Variants in ATG4D observed in about 807,000 individuals in gnomAD.
ATG4D encodes cysteine protease ATG4D.
Under a neutral mutation model 55.2 loss-of-function variants are expected in ATG4D, and 51 were observed. The observed-to-expected ratio is 0.92, with a 90% CI of 0.74 to 1.17. The LOEUF (loss-of-function observed/expected upper bound fraction) is 1.17. ATG4D is among the 50% of genes most tolerant of loss of function. The pLI, the probability that ATG4D is intolerant of heterozygous loss-of-function variation, is 0.00. For synonymous variants in ATG4D, 268 were observed against 266.2 expected (o/e 1.01, Z -0.07); for missense variants, 635 against 649.6 (o/e 0.98, Z 0.25).
intron 6 of ATG4D, 36 bp from the exon 7 acceptor site, chr19:10,551,861 C>G (rs1254816160): frequency 6.2e-7 from 1 of 1,607,950 alleles, no homozygotes; most frequent in Admixed American, 1.7e-5. Flanking sequence ...TGTTGAGTGG[C>G]TGCCTGACAG....
intron 6 of ATG4D, 84 bp downstream of exon 6, chr19:10,549,118 G>C: frequency 6.6e-7 from 1 of 1,506,428 alleles, no homozygotes; most frequent in South Asian, 1.3e-5. Flanking sequence ...TGTTTGTGCA[G>C]CCCTCATCAC....
intron 6 of ATG4D, among the ~76,000 whole-genome samples, chr19:10,549,293 T>G (rs1916148532): frequency 6.6e-6 from 1 of 152,076 alleles, no homozygotes; most frequent in Non-Finnish European, 1.5e-5. Flanking sequence ...CCACCTAATT[T>G]TGTACTTTTA....
intron 1 of ATG4D, 70 bp downstream of exon 1, chr19:10,544,395 A>G (rs1915965751): frequency 1.6e-6 from 2 of 1,234,310 alleles, no homozygotes; most frequent in African/African-American, 1.6e-5. Context: ...CGGTCCTGCC[A>G]GTTATCCCAC....
Position 10,548,753 on chromosome 19 carries a change from T to TG in ATG4D, c.836-145dup, listed in dbSNP as rs1225179649. 11 of 1,186,938 alleles carry TG rather than the reference T, an allele frequency of 9.3e-6. 2 individuals are homozygous for TG. The highest frequency in any genetic ancestry group is 6.2e-5 in the South Asian group (4 of 64,178). 73.5% of individuals were successfully genotyped at this position (1,186,938 alleles called of 1,614,324 possible). On this transcript the variant is annotated intron_variant, in intron 5 of 9. Coordinates refer to ENST00000309469, the MANE Select transcript of ATG4D (RefSeq NM_032885.6). ...GGTCCTGGGATTTTCTGGGGGTGTT[T>TG]GGGGGGCACTAGAATGATGATTTTG...
intron 3 of ATG4D, 39 bp from the exon 4 acceptor site, chr19:10,546,800 C>T: frequency 6.6e-7 from 1 of 1,519,736 alleles, no homozygotes; most frequent in Non-Finnish European, 8.8e-7. Context: ...CTGCCCCCCA[C>T]ACACTAGCAC....
At chr19:10,551,416 C>G (rs1297130482) in intron 6 of ATG4D, among the ~76,000 whole-genome samples, 2 of 150,584 alleles carry the variant, frequency 1.3e-5, no homozygotes, top group Non-Finnish European at 2.9e-5. Flanking sequence ...GAGCCAAGAT[C>G]GTGCTACTGC....
chr19:10,546,661 T>C (rs1916038028), intron 3 of ATG4D, among the ~76,000 whole-genome samples, 178 bp from the exon 4 acceptor site: 1 of 152,186 alleles, frequency 6.6e-6, no homozygotes, highest in South Asian at 2.1e-4. Flanking sequence ...GCTGAGATCC[T>C]GTCTTTAAGT....
At chr19:10,545,429 G>A (rs1271995528) in intron 3 of ATG4D, among the ~76,000 whole-genome samples, 1 of 151,572 alleles carries the variant, frequency 6.6e-6, no homozygotes, top group Non-Finnish European at 1.5e-5. Flanking sequence ...AAAATTAGCC[G>A]GTTGTGGTGG....
At position 10,544,852 on chromosome 19, in the gene ATG4D, G is replaced by A. The variant is rs769671792; in HGVS notation, c.305G>A (p.Arg102His). 2 of 1,611,456 alleles carry A rather than the reference G, an allele frequency of 1.2e-6. No homozygotes were observed. Among genetic ancestry groups the A allele is most frequent in the Admixed American group, 1.7e-5 (1 of 59,646 alleles). ...ATCCACCTCTGTGGCCGCCGCTACC[G>A]TTTCGAGGGCGAGGGTGAGCTGGTG... is the stretch of plus-strand genomic sequence containing the variant. ...SSIHLCGRRY[R>H]FEGEGDIQRF... Residue 102 changes from arginine to histidine, a missense_variant, in exon 2 of 10, where the codon CGT becomes CAT. Arg to His is a conservative substitution (Grantham distance 29). Coordinates refer to ENST00000309469, the MANE Select transcript of ATG4D (RefSeq NM_032885.6).
At chr19:10,552,863 C>T in intron 9 of ATG4D, 22 bp from the exon 10 acceptor site, 1 of 1,593,702 alleles carries the variant, frequency 6.3e-7, no homozygotes, top group East Asian at 2.2e-5. Flanking sequence ...TGTGGCTGAC[C>T]CTGTCTCCCT....
In ATG4D at chr19:10,551,738, T is replaced by C. The variant is rs189815833; in HGVS notation, c.967-159T>C. Among the ~76,000 whole-genome samples, 642 of 151,382 alleles carry C rather than the reference T, an allele frequency of 4.2e-3. 5 individuals are homozygous for C. The Middle Eastern group carries it at 0.059, about 14-fold the overall frequency. Reference sequence around the variant, plus strand: ...AAAAAAATTCATGTAATCATCTTCCTTGTTAGTCTCTCACACTAGGATGTC... The same window carrying C: ...AAAAAAATTCATGTAATCATCTTCCCTGTTAGTCTCTCACACTAGGATGTC... On this transcript the variant is annotated intron_variant, in intron 6 of 9. Coordinates refer to ENST00000309469, the MANE Select transcript of ATG4D (RefSeq NM_032885.6).
rs1851880838 is a variant in ATG4D, at chr19:10,544,210, G to A, written c.120G>A (p.Gly40=). The stretch of plus-strand genomic sequence containing the variant: ...GAGGCCCAGACCCCAACGGCCTGGG[G>A]CCTTCCGGAGCCAGCGGCCCCGCTC... The part of the protein sequence containing the change: ...GPRGPDPNGL[G]PSGASGPALG... The change falls in exon 1 of 10, where the codon GGG becomes GGA. Residue 40 remains glycine (G), a synonymous_variant. Transcript: ENST00000309469. 8 of 1,252,924 alleles carry A rather than the reference G, an allele frequency of 6.4e-6. No homozygotes were observed. Among genetic ancestry groups the A allele is most frequent in the Non-Finnish European group, 8.1e-6 (8 of 990,882 alleles). The allele number at this position is 1,252,924 out of a possible 1,614,324, so 77.6% of individuals were successfully genotyped here.
At chr19:10,552,796 G>A (rs1916322297) in intron 9 of ATG4D, 89 bp from the exon 10 acceptor site, 2 of 1,369,558 alleles carry the variant, frequency 1.5e-6, no homozygotes, top group Admixed American at 2.1e-5. Context: ...TGGAGAGGTG[G>A]TCCTGAGAAG....
chr19:10,549,748 C>T (rs1464343415), intron 6 of ATG4D, among the ~76,000 whole-genome samples: 1 of 151,890 alleles, frequency 6.6e-6, no homozygotes, highest in Non-Finnish European at 1.5e-5. Flanking sequence ...CTATGCAGCA[C>T]CTGCTATGTG....
At position 10,545,734 on chromosome 19, in the gene ATG4D, G is replaced by A. The variant is rs149792803; in HGVS notation, c.493+604G>A. Among the ~76,000 whole-genome samples, 204 of 152,052 alleles carry A rather than the reference G, an allele frequency of 1.3e-3. 4 individuals carry two copies. In the East Asian group the frequency reaches 0.034, roughly 26 times the overall value. ...CTACTAAAAATACAAAAATTAGCTG[G>A]GTGTGGTGGCAGGCACCTGTAATTT... On this transcript the variant is annotated intron_variant, in intron 3 of 9. Coordinates refer to ENST00000309469, the MANE Select transcript of ATG4D (RefSeq NM_032885.6).
chr19:10,552,474 C>A, intron 9 of ATG4D, 150 bp downstream of exon 9: 1 of 1,160,786 alleles, frequency 8.6e-7, no homozygotes, highest in Non-Finnish European at 1.2e-6. Context: ...ATGTCCACCC[C>A]TGAAAAGGTG....
chr19:10,552,947 T>C lies in ATG4D; in HGVS notation c.1305T>C (p.Ala435=). 6.2e-7 allele frequency: 1 copy of C among 1,613,792 alleles called. No individual in the cohort carries two copies. Among genetic ancestry groups the C allele is most frequent in the South Asian group, 1.1e-5 (1 of 91,084 alleles). Residue 435 remains alanine, a synonymous_variant, in exon 10 of 10, where the codon GCT becomes GCC. Coordinates refer to ENST00000309469, the MANE Select transcript of ATG4D (RefSeq NM_032885.6). ...TGTTCACCCTGGCCGAGGGCCATGC[T>C]CAGGACCACAGCCTGGACGACCTCT... is the stretch of plus-strand genomic sequence containing the variant. ...YPMFTLAEGH[A]QDHSLDDLCS... is the part of the protein sequence containing the mutation.
rs1299625639 is a variant in ATG4D, at chr19:10,544,845, C to A, written c.298C>A (p.Arg100Ser). Residue 100 changes from arginine (R) to serine (S), a missense_variant, in exon 2 of 10, where the codon CGC becomes AGC. Transcript: ENST00000309469. ...CTCCAGCATCCACCTCTGTGGCCGC[C>A]GCTACCGTTTCGAGGGCGAGGGTGA... ...KISSIHLCGRRYRFEGEGDIQ... is the reference protein window; with the variant it reads ...KISSIHLCGRSYRFEGEGDIQ... 2.5e-6 allele frequency: 4 copies of A among 1,612,676 alleles called. No individual in the cohort carries two copies. Among genetic ancestry groups the A allele is most frequent in the Non-Finnish European group, 3.4e-6 (4 of 1,179,168 alleles).
chr19:10,552,245 A>G lies in ATG4D; in HGVS notation c.1163A>G (p.Lys388Arg). The G allele has an allele frequency of 6.2e-7, 1 of 1,613,654 alleles. No homozygotes were observed. The highest frequency in any genetic ancestry group is 1.7e-5 in the Admixed American group (1 of 59,998). ...CTSPRKMAFA[K>R]MDPSCTVGFY... ...TCGCCCCGCAAGATGGCCTTTGCCA[A>G]GATGGACCCAAGCTGTACCGTGGGC... The change falls in exon 9 of 10, where the codon AAG (lysine) becomes AGG (arginine). Residue 388 changes from lysine to arginine, a missense_variant. Lys to Arg is a conservative substitution (Grantham distance 26). Transcript: ENST00000309469.
Sources: gnomAD v4.1 joint callset for allele counts (sites outside exome capture counted in the v4.1 genomes callset) on GRCh38, gnomAD v4.1.1 for gene constraint, MANE v1.5 for transcripts, NCBI Gene and HGNC (gene_info 2026-07-23, HGNC 2026-07-21) for gene names.